LRBA: variants seen among roughly 807,000 people sequenced by gnomAD.
LRBA encodes lipopolysaccharide-responsive and beige-like anchor protein.
In LRBA, 176 loss-of-function variants were observed where a neutral mutation model predicts 330.0. The observed-to-expected ratio is 0.53, with a 90% confidence interval of 0.47 to 0.60. The LOEUF is 0.60. Among genes scored for constraint, LRBA ranks in the 20% least tolerant of loss-of-function variants. The probability of loss-of-function intolerance (pLI) is 0.00; values close to 1 mark genes in which losing one functional copy is unlikely to be tolerated. For synonymous variants in LRBA, 1,230 were observed against 1,193.0 expected, an observed-to-expected ratio of 1.03 and a Z score of -0.64; for missense variants, 3,259 against 3,444.8, an observed-to-expected ratio of 0.95 and a Z score of 1.35.
intron 37 of LRBA, among the ~76,000 whole-genome samples, chr4:150,658,502 A>G (rs1251571059): frequency 1.1e-4 from 3 of 26,142 alleles, no homozygotes; most frequent in African/African-American, 1.6e-4. Context: ...TCAGAAAATA[A>G]AAGTCTCCCT....
At chr4:150,952,812 C>T (rs1047852038) in intron 2 of LRBA, among the ~76,000 whole-genome samples, 9 of 152,100 alleles carry the variant, frequency 5.9e-5, no homozygotes, top group African/African-American at 2.2e-4. Flanking sequence ...GTCTTCCTCC[C>T]GGAGCACAGA....
chr4:150,377,140 G>GA (rs532735624), intron 47 of LRBA, among the ~76,000 whole-genome samples: 1,280 of 120,760 alleles, frequency 0.011, 13 homozygotes, highest in African/African-American at 0.027. Flanking sequence ...AAAAATAATG[G>GA]AAAAAAAAAA....
chr4:150,812,179 C>T, intron 31 of LRBA, among the ~76,000 whole-genome samples: 1 of 152,164 alleles, frequency 6.6e-6, no homozygotes, highest in East Asian at 1.9e-4. Flanking sequence ...AAAATATAAA[C>T]TTTCAATCAA....
chr4:150,937,908 T>C (rs906198358), intron 2 of LRBA, among the ~76,000 whole-genome samples: 10 of 152,082 alleles, frequency 6.6e-5, no homozygotes, highest in Admixed American at 6.6e-4. Flanking sequence ...AGACCAAACA[T>C]GGAGATCAAA....
At chr4:150,527,086 T>C (rs1763560300) in intron 40 of LRBA, among the ~76,000 whole-genome samples, 2 of 152,044 alleles carry the variant, frequency 1.3e-5, no homozygotes, top group Non-Finnish European at 2.9e-5. Flanking sequence ...GCTGATTATT[T>C]CTTCATGGTA....
chr4:150,840,799 A>C, intron 28 of LRBA: 1 of 483,800 alleles, frequency 2.1e-6, no homozygotes, highest in Non-Finnish European at 2.9e-6. Context: ...AATTTGTAAA[A>C]AATCCAGTAA....
chr4:150,980,174 G>C (rs1198701065), intron 2 of LRBA, among the ~76,000 whole-genome samples: 4 of 152,052 alleles, frequency 2.6e-5, no homozygotes, highest in Non-Finnish European at 4.4e-5. Context: ...TTCAACATAT[G>C]CAAATCAATC....
In LRBA at chr4:150,730,776, G is replaced by C. The variant is rs541358499; in HGVS notation, c.5754+4482C>G. Among the ~76,000 whole-genome samples the C allele has an allele frequency of 5.9e-4, 89 of 152,086 alleles. 1 individual carries two copies. Among genetic ancestry groups the C allele is most frequent in the Admixed American group, 7.2e-4 (11 of 15,266 alleles). On this transcript the variant is annotated intron_variant, in intron 36 of 56. Coordinates refer to ENST00000651943, the MANE Select transcript of LRBA (RefSeq NM_001364905.1). ...CTCACACCTGTAATCTCAGCACTTT[G>C]GGAGGCTGATGAAGGCAGATCACTT...
intron 48 of LRBA, among the ~76,000 whole-genome samples, chr4:150,332,225 A>C (rs1019333670): frequency 6.6e-6 from 1 of 152,120 alleles, no homozygotes; most frequent in African/African-American, 2.4e-5. Flanking sequence ...AATCAACATC[A>C]TATTGCCTTT....
intron 53 of LRBA, among the ~76,000 whole-genome samples, chr4:150,290,099 G>C (rs1171438091): frequency 6.6e-6 from 1 of 152,122 alleles, no homozygotes; most frequent in Non-Finnish European, 1.5e-5. Context: ...TTTCTGTTTG[G>C]AAAGCCTAGA....
In LRBA at chr4:150,827,563, C is replaced by G. The variant is rs1024689517; in HGVS notation, c.5171+617G>C. On this transcript the variant is annotated intron_variant, in intron 30 of 56. Transcript: ENST00000651943. ...ATGATGATTCGCTTCACCTGATGAACAGTAATATATTTTTTTCTTCCTTAT... is the reference window on the plus strand; with the variant it reads ...ATGATGATTCGCTTCACCTGATGAAGAGTAATATATTTTTTTCTTCCTTAT... Among the ~76,000 whole-genome samples, 4 of 151,534 alleles carry G rather than the reference C, an allele frequency of 2.6e-5. No homozygotes were observed. The South Asian group carries it at 8.3e-4, about 32-fold the overall frequency.
intron 33 of LRBA, among the ~76,000 whole-genome samples, chr4:150,802,172 A>G (rs1356583892): frequency 6.7e-6 from 1 of 150,268 alleles, no homozygotes; most frequent in Non-Finnish European, 1.5e-5. Context: ...GTGAGCCATG[A>G]TCACACCATT....
chr4:150,448,931 C>T (rs996570542), intron 44 of LRBA, among the ~76,000 whole-genome samples: 4 of 151,484 alleles, frequency 2.6e-5, no homozygotes, highest in African/African-American at 9.7e-5. Flanking sequence ...AGTTTGCATG[C>T]ACTTGTAAGC....
chr4:150,287,864 C>T (rs951053136), intron 53 of LRBA, among the ~76,000 whole-genome samples: 2 of 152,156 alleles, frequency 1.3e-5, no homozygotes, highest in African/African-American at 4.8e-5. Context: ...TTTCCCAAGC[C>T]ACAAAGAATT....
intron 14 of LRBA, among the ~76,000 whole-genome samples, 153 bp from the exon 15 acceptor site, chr4:150,897,971 A>G (rs25461): frequency 0.058 from 8,877 of 152,130 alleles, 787 homozygotes; most frequent in African/African-American, 0.2. Context: ...CTCTAGAAAG[A>G]CAAGTGTTTA....
At chr4:150,925,524 T>C (rs1733790503) in intron 4 of LRBA, among the ~76,000 whole-genome samples, 1 of 152,224 alleles carries the variant, frequency 6.6e-6, no homozygotes, top group Admixed American at 6.5e-5. Context: ...TTCATTCTAA[T>C]GAAAAGCGCA....
chr4:150,571,802 T>C (rs1312466911), intron 40 of LRBA, among the ~76,000 whole-genome samples: 1 of 151,616 alleles, frequency 6.6e-6, no homozygotes, highest in Admixed American at 6.6e-5. Context: ...CAAGATATCA[T>C]AGCAATAAGT....
At chr4:150,489,599 A>C (rs1175627617) in intron 41 of LRBA, among the ~76,000 whole-genome samples, 1 of 68,524 alleles carries the variant, frequency 1.5e-5, no homozygotes, top group Non-Finnish European at 3.1e-5. Context: ...TTATATAAGA[A>C]TATATAATAT....
intron 47 of LRBA, among the ~76,000 whole-genome samples, chr4:150,363,835 T>G (rs962930044): frequency 3.3e-5 from 5 of 152,306 alleles, no homozygotes; most frequent in African/African-American, 1.2e-4. Context: ...TTACCGCAAT[T>G]CAATGTCTAT....
Sources: gnomAD v4.1 joint callset for allele counts (sites outside exome capture counted in the v4.1 genomes callset) on GRCh38, gnomAD v4.1.1 for gene constraint, MANE v1.5 for transcripts, NCBI Gene and HGNC (gene_info 2026-07-23, HGNC 2026-07-21) for gene names.